Variants in KANK4 observed in about 807,000 individuals in gnomAD.
KANK4 encodes KN motif and ankyrin repeat domain-containing protein 4.
KANK4 carries 50 observed loss-of-function variants against 80.8 expected under a neutral mutation model. The ratio of observed to expected loss-of-function variants is 0.62; its 90% CI spans 0.49 to 0.78. The LOEUF (loss-of-function observed/expected upper bound fraction) is 0.78. Ranked by LOEUF, KANK4 falls within the 30% of genes least tolerant of loss-of-function variation. The probability of loss-of-function intolerance (pLI) is 0.00; values close to 1 mark genes in which losing one functional copy is unlikely to be tolerated. For synonymous variants in KANK4, 465 were observed against 506.9 expected, an observed-to-expected ratio of 0.92 and a Z score of 1.11; for missense variants, 1,196 against 1,240.1, an observed-to-expected ratio of 0.96 and a Z score of 0.53.
Position 62,301,215 on chromosome 1 carries a change from G to T in KANK4, c.-71+17891C>A, listed in dbSNP as rs79256191. ...AGCTGGACAGGCTCCTGCAATTACCGAGTTCAACTCTCTCATTTCACAGAT... is the reference window on the plus strand; with the variant it reads ...AGCTGGACAGGCTCCTGCAATTACCTAGTTCAACTCTCTCATTTCACAGAT... On this transcript the variant is annotated intron_variant, in intron 1 of 9. Transcript: ENST00000371153. 2.6e-5 allele frequency among the ~76,000 whole-genome samples: 4 copies of T among 152,128 alleles called. No individual in the cohort carries two copies. The East Asian group carries it at 7.7e-4, about 29-fold the overall frequency.
intron 1 of KANK4, among the ~76,000 whole-genome samples, chr1:62,284,476 G>T (rs1397191218): frequency 6.6e-6 from 1 of 152,090 alleles, no homozygotes; most frequent in African/African-American, 2.4e-5. Context: ...GCGCTACCAT[G>T]CCCAGCTAAT....
chr1:62,305,292 T>C (rs59776231), intron 1 of KANK4, among the ~76,000 whole-genome samples: 9,242 of 148,636 alleles, frequency 0.062, 818 homozygotes, highest in African/African-American at 0.2. Context: ...AATGCAGCTG[T>C]TGATGAATTG....
intron 7 of KANK4, among the ~76,000 whole-genome samples, chr1:62,254,178 C>T (rs560407773): frequency 6.6e-6 from 1 of 152,252 alleles, no homozygotes; most frequent in Admixed American, 6.5e-5. Flanking sequence ...AAAAAAACTC[C>T]ACAATTTTTA....
At chr1:62,248,790 C>G (rs1671535188) in intron 8 of KANK4, among the ~76,000 whole-genome samples, 1 of 150,700 alleles carries the variant, frequency 6.6e-6, no homozygotes, top group Non-Finnish European at 1.5e-5. Flanking sequence ...GGTGATCCGC[C>G]TGCCTTGGCC....
At chr1:62,299,719 A>C (rs1422865628) in intron 1 of KANK4, among the ~76,000 whole-genome samples, 2 of 150,782 alleles carry the variant, frequency 1.3e-5, no homozygotes, top group African/African-American at 4.8e-5. Flanking sequence ...GTAGCAGCTG[A>C]ATTAATGAAT....
chr1:62,301,293 C>T (rs1343348968), intron 1 of KANK4, among the ~76,000 whole-genome samples: 2 of 152,066 alleles, frequency 1.3e-5, no homozygotes, highest in Non-Finnish European at 2.9e-5. Flanking sequence ...TGTGTGCACG[C>T]TCCTACTACT....
At chr1:62,249,441 T>C (rs1427442428) in intron 8 of KANK4, among the ~76,000 whole-genome samples, 1 of 151,230 alleles carries the variant, frequency 6.6e-6, no homozygotes, top group African/African-American at 2.4e-5. Context: ...TGCAGTGGCA[T>C]GATCGCGACT....
At chr1:62,311,773 G>A (rs182898222) in intron 1 of KANK4, among the ~76,000 whole-genome samples, 3 of 152,308 alleles carry the variant, frequency 2.0e-5, no homozygotes, top group Non-Finnish European at 2.9e-5. Flanking sequence ...TGAGTCAGCC[G>A]TGTGTGCCTG....
At chr1:62,310,454 G>A (rs1033525405) in intron 1 of KANK4, among the ~76,000 whole-genome samples, 10 of 152,280 alleles carry the variant, frequency 6.6e-5, no homozygotes, top group East Asian at 1.9e-4. Context: ...TCTAGGTGAC[G>A]GAGACCAGAA....
chr1:62,295,131 G>A lies in KANK4; in HGVS notation c.-70-13497C>T, dbSNP rs116973297. On this transcript the variant is annotated intron_variant, in intron 1 of 9. Coordinates refer to ENST00000371153, the MANE Select transcript of KANK4 (RefSeq NM_181712.5). ...TAGGCAGACTTTTATTAGTGACTCT[G>A]CTCACATCTTTTCTTTTTTTTTTTT... Among the ~76,000 whole-genome samples, 1,404 of 149,262 alleles carry A rather than the reference G, an allele frequency of 9.4e-3. 72 individuals carry two copies. In the East Asian group the frequency reaches 0.15, roughly 16 times the overall value.
chr1:62,265,522 G>A (rs562039609), intron 6 of KANK4, among the ~76,000 whole-genome samples: 2 of 152,334 alleles, frequency 1.3e-5, no homozygotes, highest in South Asian at 4.1e-4. Context: ...GATTACAGGC[G>A]TGAGACACTG....
chr1:62,306,529 C>T (rs12065844), intron 1 of KANK4, among the ~76,000 whole-genome samples: 33,025 of 151,940 alleles, frequency 0.22, 3,946 homozygotes, highest in Middle Eastern at 0.35. Context: ...CTCTAACCAC[C>T]AGTTCTTGAC....
chr1:62,273,508 T>A lies in KANK4; in HGVS notation c.1596A>T (p.Pro532=). The change falls in exon 3 of 10, where the codon CCA becomes CCT. Residue 532 remains proline, a synonymous_variant. Coordinates refer to ENST00000371153, the MANE Select transcript of KANK4 (RefSeq NM_181712.5). ...TGGAACTGGTCTCCTCCCTCCCTGCTGGGGGAGTCTTTCTGTCGCTGCCCC... is the reference window on the plus strand; with the variant it reads ...TGGAACTGGTCTCCTCCCTCCCTGCAGGGGGAGTCTTTCTGTCGCTGCCCC... ...FLWGSDRKTP[P]AGREETSSNL... is the part of the protein sequence containing the mutation. 1 of 1,613,822 alleles carries A rather than the reference T, an allele frequency of 6.2e-7. No individual in the cohort carries two copies.
intron 1 of KANK4, among the ~76,000 whole-genome samples, chr1:62,294,704 A>G (rs1644346653): frequency 6.6e-6 from 1 of 152,224 alleles, no homozygotes; most frequent in African/African-American, 2.4e-5. Flanking sequence ...TTATTTCACA[A>G]TGCCCCACCT....
chr1:62,310,535 A>G (rs1644490206), intron 1 of KANK4, among the ~76,000 whole-genome samples: 1 of 152,178 alleles, frequency 6.6e-6, no homozygotes, highest in African/African-American at 2.4e-5. Flanking sequence ...GAAACAATTC[A>G]TTTGCTTTTA....
intron 1 of KANK4, among the ~76,000 whole-genome samples, chr1:62,297,814 T>C (rs1349651358): frequency 6.6e-6 from 1 of 151,990 alleles, no homozygotes; most frequent in Non-Finnish European, 1.5e-5. Context: ...TTCCAAGGAG[T>C]CTTGAGGTGT....
At chr1:62,279,198 G>GCGCGCGCGCGCGCGCA (rs1282615199) in intron 2 of KANK4, among the ~76,000 whole-genome samples, 1 of 146,182 alleles carries the variant, frequency 6.8e-6, no homozygotes, top group African/African-American at 2.5e-5. Flanking sequence ...GCTAGCGCGC[G>GCGCGCGCGCGCGCGCA]CACACACACA....
intron 9 of KANK4, among the ~76,000 whole-genome samples, chr1:62,245,318 T>C (rs1266818972): frequency 1.3e-5 from 2 of 152,232 alleles, no homozygotes; most frequent in Non-Finnish European, 2.9e-5. Context: ...CCTCTAATGA[T>C]CTTAGAAATG....
At chr1:62,242,625 G>A (rs1434649389) in intron 9 of KANK4, among the ~76,000 whole-genome samples, 2 of 152,138 alleles carry the variant, frequency 1.3e-5, no homozygotes, top group Admixed American at 1.3e-4. Context: ...TCCTCAAATT[G>A]TCTTTAAATC....
Sources: gnomAD v4.1 joint callset for allele counts (sites outside exome capture counted in the v4.1 genomes callset) on GRCh38, gnomAD v4.1.1 for gene constraint, MANE v1.5 for transcripts, NCBI Gene and HGNC (gene_info 2026-07-23, HGNC 2026-07-21) for gene names.